Variants in PPFIA2 observed in about 807,000 individuals in gnomAD.
PPFIA2 encodes PPFI scaffold protein A2.
In PPFIA2, 46 loss-of-function variants were observed where a neutral mutation model predicts 175.5. That is an observed-to-expected ratio of 0.26 (90% confidence interval 0.21 to 0.34). The LOEUF (loss-of-function observed/expected upper bound fraction) is 0.34, where lower values mean the gene tolerates loss of function less well. PPFIA2 is among the 10% of genes least tolerant of loss of function. The pLI is 1.00. For synonymous variants in PPFIA2, 568 were observed against 511.4 expected, an observed-to-expected ratio of 1.11 and a Z score of -1.49; for missense variants, 1,179 against 1,506.1, an observed-to-expected ratio of 0.78 and a Z score of 3.60.
At chr12:81,544,170 C>T (rs1300467158) in intron 4 of PPFIA2, among the ~76,000 whole-genome samples, 2 of 152,138 alleles carry the variant, frequency 1.3e-5, no homozygotes, top group East Asian at 1.9e-4. Flanking sequence ...AGGGTATATG[C>T]TTTCTGTGCT....
At chr12:81,525,074 G>C (rs1328881381) in intron 4 of PPFIA2, among the ~76,000 whole-genome samples, 1 of 152,156 alleles carries the variant, frequency 6.6e-6, no homozygotes, top group Non-Finnish European at 1.5e-5. Context: ...AATTTCTGCT[G>C]TCTATAAGTT....
At chr12:81,496,918 T>G (rs2060085690) in intron 4 of PPFIA2, among the ~76,000 whole-genome samples, 1 of 152,148 alleles carries the variant, frequency 6.6e-6, no homozygotes, top group Non-Finnish European at 1.5e-5. Context: ...TCTTCTTGAG[T>G]ATGACATGCC....
intron 5 of PPFIA2, among the ~76,000 whole-genome samples, chr12:81,447,194 G>T (rs1328047929): frequency 2.0e-5 from 3 of 151,848 alleles, no homozygotes. Context: ...AATTTTCAAG[G>T]AGCCCTTTAA....
At chr12:81,718,975 A>G (rs2078993129) in intron 3 of PPFIA2, among the ~76,000 whole-genome samples, 1 of 151,706 alleles carries the variant, frequency 6.6e-6, no homozygotes, top group Non-Finnish European at 1.5e-5. Context: ...CAAGATGACT[A>G]TAGCTCCATA....
chr12:81,289,707 A>G (rs1384164111), intron 24 of PPFIA2, among the ~76,000 whole-genome samples: 1 of 151,878 alleles, frequency 6.6e-6, no homozygotes, highest in Non-Finnish European at 1.5e-5. Context: ...ATCTAAAAGG[A>G]TAATGTGGAA....
At chr12:81,753,473 G>T (rs1198316757) in intron 3 of PPFIA2, among the ~76,000 whole-genome samples, 1 of 149,602 alleles carries the variant, frequency 6.7e-6, no homozygotes, top group East Asian at 1.9e-4. Flanking sequence ...TTTCCCAAGG[G>T]AGAGGATAAT....
chr12:81,268,309 T>G (rs2038032215), intron 28 of PPFIA2, among the ~76,000 whole-genome samples: 1 of 151,254 alleles, frequency 6.6e-6, no homozygotes, highest in South Asian at 2.1e-4. Flanking sequence ...CGGCTAATTT[T>G]TTGTATTTTT....
chr12:81,310,330 A>G (rs1203043758), intron 22 of PPFIA2, among the ~76,000 whole-genome samples: 1 of 152,038 alleles, frequency 6.6e-6, no homozygotes, highest in African/African-American at 2.4e-5. Context: ...ATCTTCCCTG[A>G]TATTATATTA....
intron 4 of PPFIA2, among the ~76,000 whole-genome samples, chr12:81,462,585 C>CATATATATATATATATATACACATAT (rs1555402549): frequency 8.0e-6 from 1 of 124,680 alleles, no homozygotes; most frequent in Non-Finnish European, 1.7e-5. Context: ...TATATATATA[C>CATATATATATATATATATACACATAT]ATATATATAT....
intron 6 of PPFIA2, among the ~76,000 whole-genome samples, chr12:81,445,212 G>GC (rs1019562341): frequency 1.5e-5 from 2 of 134,900 alleles, no homozygotes; most frequent in African/African-American, 5.8e-5. Flanking sequence ...AAGGTGGGGG[G>GC]GGGGGAGGGG....
Position 81,368,400 on chromosome 12 carries a change from T to A in PPFIA2, c.1482+325A>T, listed in dbSNP as rs140431575. ...TTCCCCCCAAAAAAGTATTGACTTGTGTCTCATCACTTTTCTATTTTGCAT... is the reference window on the plus strand; with the variant it reads ...TTCCCCCCAAAAAAGTATTGACTTGAGTCTCATCACTTTTCTATTTTGCAT... On this transcript the variant is annotated intron_variant, in intron 13 of 32. Transcript: ENST00000549396. Among the ~76,000 whole-genome samples the A allele has an allele frequency of 2.3e-3, 351 of 151,850 alleles. 1 individual carries two copies. The highest frequency in any genetic ancestry group is 8.2e-3 in the African/African-American group (341 of 41,502).
At chr12:81,489,642 G>T (rs905334657) in intron 4 of PPFIA2, among the ~76,000 whole-genome samples, 9 of 151,862 alleles carry the variant, frequency 5.9e-5, no homozygotes, top group African/African-American at 2.2e-4. Context: ...TTGAAATGAT[G>T]CAATTAGTCA....
At chr12:81,650,012 GTTTTTT>G (rs869100881) in intron 4 of PPFIA2, among the ~76,000 whole-genome samples, 9 of 147,574 alleles carry the variant, frequency 6.1e-5, no homozygotes, top group African/African-American at 7.3e-5. Flanking sequence ...TTTTGTTTTT[GTTTTTT>G]TTTTTTCCTG....
intron 11 of PPFIA2, among the ~76,000 whole-genome samples, chr12:81,373,144 T>C (rs976737327): frequency 1.3e-5 from 2 of 151,928 alleles, no homozygotes; most frequent in East Asian, 1.9e-4. Context: ...TTCTGAATTG[T>C]AAATTGTGTT....
At chr12:81,709,159 T>A (rs2077570456) in intron 3 of PPFIA2, among the ~76,000 whole-genome samples, 1 of 152,108 alleles carries the variant, frequency 6.6e-6, no homozygotes, top group Non-Finnish European at 1.5e-5. Context: ...TCTGCAAGCC[T>A]ATTCCAGCCT....
intron 4 of PPFIA2, among the ~76,000 whole-genome samples, chr12:81,506,664 A>G (rs2061203474): frequency 1.3e-5 from 2 of 152,204 alleles, no homozygotes; most frequent in Admixed American, 1.3e-4. Context: ...AGAATATTCT[A>G]GGTATTATGT....
At chr12:81,482,151 T>C (rs2058309011) in intron 4 of PPFIA2, among the ~76,000 whole-genome samples, 1 of 152,116 alleles carries the variant, frequency 6.6e-6, no homozygotes, top group African/African-American at 2.4e-5. Context: ...TCATCATCAC[T>C]GTTCATTAAA....
At chr12:81,737,660 A>G (rs569954902) in intron 3 of PPFIA2, among the ~76,000 whole-genome samples, 5 of 151,622 alleles carry the variant, frequency 3.3e-5, no homozygotes, top group Admixed American at 2.0e-4. Context: ...GCCATGTTTC[A>G]ACTGTTAAAC....
chr12:81,552,365 AT>A (rs139313256), intron 4 of PPFIA2, among the ~76,000 whole-genome samples: 17 of 149,686 alleles, frequency 1.1e-4, no homozygotes, highest in East Asian at 2.0e-4. Flanking sequence ...TAATATACAC[AT>A]TTTTTTTTTC....
Sources: gnomAD v4.1 joint callset for allele counts (sites outside exome capture counted in the v4.1 genomes callset) on GRCh38, gnomAD v4.1.1 for gene constraint, MANE v1.5 for transcripts, NCBI Gene and HGNC (gene_info 2026-07-23, HGNC 2026-07-21) for gene names.